LDLRAP1: variants seen among roughly 807,000 people sequenced by gnomAD.
The protein encoded by LDLRAP1 is low density lipoprotein receptor adapter protein 1.
Under a neutral mutation model 37.8 loss-of-function variants are expected in LDLRAP1, and 30 were observed. The observed-to-expected ratio is 0.79, with a 90% CI of 0.59 to 1.08. The LOEUF (loss-of-function observed/expected upper bound fraction) is 1.08. LDLRAP1 is among the 50% of genes least tolerant of loss of function. The pLI is 0.00. For synonymous variants in LDLRAP1, 156 were observed against 169.8 expected (o/e 0.92, Z 0.63); for missense variants, 375 against 401.6 (o/e 0.93, Z 0.57).
intron 6 of LDLRAP1, 64 bp downstream of exon 6, chr1:25,563,217 G>C: frequency 4.3e-6 from 6 of 1,401,670 alleles, no homozygotes; most frequent in Non-Finnish European, 6.0e-6. Flanking sequence ...ACCCAGGGGG[G>C]TCCCACTCCT....
At chr1:25,580,644 G>A in the LDLRAP1 span, among the ~76,000 whole-genome samples, 5 of 152,102 alleles carry the variant, frequency 3.3e-5, no homozygotes, top group Non-Finnish European at 7.4e-5. Context: ...AAGTAGCTGG[G>A]ACCACAAGTG....
At chr1:25,564,965 C>T in intron 7 of LDLRAP1, 1 of 600,100 alleles carries the variant, frequency 1.7e-6, no homozygotes, top group Non-Finnish European at 3.0e-6. Context: ...TGGCCTTTCT[C>T]CTCTCCCACG....
At position 25,557,258 on chromosome 1, in the gene LDLRAP1, G is replaced by C. The variant is rs2044225792; in HGVS notation, c.450G>C (p.Lys150Asn). The change falls in exon 4 of 9, where the codon AAG (lysine) becomes AAC (asparagine). Residue 150 changes from lysine to asparagine, a missense_variant. Coordinates refer to ENST00000374338, the MANE Select transcript of LDLRAP1 (RefSeq NM_015627.3). ...SLECHAFLCT[K>N]RKMAQAVTLT... ...AGTGCCACGCCTTCCTCTGCACCAA[G>C]CGGAAGATGGTCAGCGGGGAGGGCT... The C allele has an allele frequency of 6.2e-7, 1 of 1,613,230 alleles. No individual in the cohort carries two copies. Among genetic ancestry groups the C allele is most frequent in the African/African-American group, 1.3e-5 (1 of 74,920 alleles).
chr1:25,558,935 T>C (rs940966115), intron 4 of LDLRAP1, among the ~76,000 whole-genome samples: 1 of 152,168 alleles, frequency 6.6e-6, no homozygotes, highest in African/African-American at 2.4e-5. Context: ...GCTGATTTGC[T>C]GTGTTACCTT....
At chr1:25,561,678 A>G (rs1436669007) in intron 4 of LDLRAP1, among the ~76,000 whole-genome samples, 1 of 152,152 alleles carries the variant, frequency 6.6e-6, no homozygotes, top group Non-Finnish European at 1.5e-5. Context: ...AATGGCTGAG[A>G]GAGGAAGGTG....
intron 1 of LDLRAP1, among the ~76,000 whole-genome samples, chr1:25,549,737 C>T (rs2044026152): frequency 6.8e-6 from 1 of 146,438 alleles, no homozygotes; most frequent in South Asian, 2.1e-4. Context: ...CCGGCTGTGG[C>T]TGGCGAGTAG....
the LDLRAP1 span, among the ~76,000 whole-genome samples, chr1:25,582,480 G>A: frequency 2.0e-5 from 3 of 151,854 alleles, no homozygotes; most frequent in African/African-American, 4.8e-5. Flanking sequence ...AGCTACTCAG[G>A]AGGCTGAGGC....
At chr1:25,547,352 G>A (rs2043959409) in intron 1 of LDLRAP1, among the ~76,000 whole-genome samples, 1 of 151,958 alleles carries the variant, frequency 6.6e-6, no homozygotes, top group African/African-American at 2.4e-5. Context: ...GTGGGGTGGT[G>A]CAGGCCTGTA....
the LDLRAP1 span, among the ~76,000 whole-genome samples, chr1:25,585,295 G>A: frequency 6.6e-6 from 1 of 152,024 alleles, no homozygotes; most frequent in Non-Finnish European, 1.5e-5. Context: ...CGCAGCAGGT[G>A]TGTGGGGAAG....
At chr1:25,565,906 T>C (rs1164126941) in intron 8 of LDLRAP1, among the ~76,000 whole-genome samples, 1 of 152,138 alleles carries the variant, frequency 6.6e-6, no homozygotes, top group Non-Finnish European at 1.5e-5. Flanking sequence ...GAGTCAGCGA[T>C]TTTTGGTCCA....
intron 4 of LDLRAP1, among the ~76,000 whole-genome samples, chr1:25,558,657 T>C (rs1038808954): frequency 1.3e-5 from 2 of 152,194 alleles, no homozygotes; most frequent in African/African-American, 2.4e-5. Context: ...GGTCTCCTGA[T>C]TTCATCGTCA....
intron 1 of LDLRAP1, among the ~76,000 whole-genome samples, chr1:25,553,124 G>T (rs977325464): frequency 6.6e-6 from 1 of 151,976 alleles, no homozygotes; most frequent in Non-Finnish European, 1.5e-5. Flanking sequence ...CTACGGATGC[G>T]CACAGGGAGG....
chr1:25,577,363 C>G, the LDLRAP1 span, among the ~76,000 whole-genome samples: 2 of 152,070 alleles, frequency 1.3e-5, no homozygotes, highest in African/African-American at 4.8e-5. Flanking sequence ...CGTGCCAGGA[C>G]CACCAGGACC....
Position 25,544,969 on chromosome 1 carries a change from C to T in LDLRAP1, c.88+1183C>T, listed in dbSNP as rs886665295. On this transcript the variant is annotated intron_variant, in intron 1 of 8. Coordinates refer to ENST00000374338, the MANE Select transcript of LDLRAP1 (RefSeq NM_015627.3). The surrounding 1 kb of genome is among the most constrained non-coding windows in gnomAD (Gnocchi z 4.8). ...GCCCGCCTCCCTCCTCCTCTGGCCCCACTCTGTTGTTCAGCTGTGGCCGCC... is the reference window on the plus strand; with the variant it reads ...GCCCGCCTCCCTCCTCCTCTGGCCCTACTCTGTTGTTCAGCTGTGGCCGCC... Among the ~76,000 whole-genome samples, 24 of 152,202 alleles carry T rather than the reference C, an allele frequency of 1.6e-4. No individual in the cohort carries two copies. The highest frequency in any genetic ancestry group is 5.5e-4 in the African/African-American group (23 of 41,454).
At position 25,543,762 on chromosome 1, in the gene LDLRAP1, T is replaced by TG. The variant is rs1201229554; in HGVS notation, c.71dup (p.Gly25ArgfsTer9). 3.3e-6 allele frequency: 4 copies of TG among 1,208,956 alleles called. No individual in the cohort carries two copies. Among genetic ancestry groups the TG allele is most frequent in the Non-Finnish European group, 4.1e-6 (4 of 973,406 alleles). 74.9% of individuals were successfully genotyped at this position (1,208,956 alleles called of 1,614,324 possible). ...GAGCCCCAGCTTGGCCAAGCAGAGC[T>TG]GGGGGGGCGGTGGCCGGCACCGCAG... On this transcript the variant is annotated frameshift_variant, in exon 1 of 9. Coordinates refer to ENST00000374338, the MANE Select transcript of LDLRAP1 (RefSeq NM_015627.3). LOFTEE classifies it high-confidence loss of function.
chr1:25,569,042 C>T (rs1393632221), downstream of LDLRAP1, among the ~76,000 whole-genome samples: 1 of 152,060 alleles, frequency 6.6e-6, no homozygotes, highest in Non-Finnish European at 1.5e-5. Context: ...GTTGAAGGCC[C>T]AGTGGGGCCC....
At chr1:25,578,380 C>T in the LDLRAP1 span, among the ~76,000 whole-genome samples, 3 of 152,120 alleles carry the variant, frequency 2.0e-5, no homozygotes, top group African/African-American at 7.2e-5. Flanking sequence ...GGTGGAGGTT[C>T]GGTAGTGCAA....
chr1:25,583,165 G>GC, the LDLRAP1 span, among the ~76,000 whole-genome samples: 1 of 147,794 alleles, frequency 6.8e-6, no homozygotes, highest in African/African-American at 2.5e-5. Flanking sequence ...TAGGTGAGGT[G>GC]TTTTTTTTCC....
At chr1:25,576,183 G>C in the LDLRAP1 span, among the ~76,000 whole-genome samples, 2 of 152,058 alleles carry the variant, frequency 1.3e-5, no homozygotes, top group Non-Finnish European at 2.9e-5. Flanking sequence ...AGTGAGCCAA[G>C]ATCGTGCCAC....
Sources: allele counts gnomAD v4.1 joint callset (sites outside exome capture counted in the v4.1 genomes callset), GRCh38; gene constraint gnomAD v4.1.1; non-coding constraint Gnocchi (gnomAD v3.1); transcripts MANE v1.5; gene names NCBI Gene and HGNC (gene_info 2026-07-23, HGNC 2026-07-21).